Variants in EYS observed in about 807,000 individuals in gnomAD.
EYS encodes protein eyes shut homolog.
In EYS, 250 loss-of-function variants were observed where a neutral mutation model predicts 282.1. The observed-to-expected ratio is 0.89, with a 90% CI of 0.80 to 0.98. The LOEUF (loss-of-function observed/expected upper bound fraction) is 0.98, where lower values mean the gene tolerates loss of function less well. Among genes scored for constraint, EYS ranks in the 50% least tolerant of loss-of-function variants. The pLI is 0.00. For missense variants in EYS, 4,016 were observed against 3,709.0 expected (o/e 1.08, Z -2.15); for synonymous variants, 1,355 against 1,282.9 (o/e 1.06, Z -1.20).
intron 1 of EYS, among the ~76,000 whole-genome samples, chr6:65,657,687 A>G (rs548027447): frequency 3.7e-4 from 56 of 151,880 alleles, no homozygotes; most frequent in Non-Finnish European, 7.4e-4. Flanking sequence ...CAGCGTTGAA[A>G]TAACAGGGAT....
intron 29 of EYS, among the ~76,000 whole-genome samples, chr6:64,350,572 A>T (rs926024827): frequency 2.6e-5 from 4 of 151,602 alleles, no homozygotes; most frequent in African/African-American, 9.7e-5. Flanking sequence ...ACATCTGCCT[A>T]CACTATCCCT....
chr6:64,993,800 GT>G (rs1345409602), intron 14 of EYS, among the ~76,000 whole-genome samples: 2,411 of 140,990 alleles, frequency 0.017, 64 homozygotes, highest in African/African-American at 0.057. Context: ...AGTAAAGGTA[GT>G]TTTTTTTTTT....
intron 22 of EYS, among the ~76,000 whole-genome samples, chr6:64,722,303 C>T (rs1583079179): frequency 6.6e-6 from 1 of 151,766 alleles, no homozygotes; most frequent in Non-Finnish European, 1.5e-5. Context: ...AAATCAGAAT[C>T]CTGGGCAGTA....
At chr6:63,998,424 T>A (rs894729886) in intron 34 of EYS, among the ~76,000 whole-genome samples, 1 of 152,200 alleles carries the variant, frequency 6.6e-6, no homozygotes. Flanking sequence ...CAGTGCATAG[T>A]GGCTGCTTTA....
intron 22 of EYS, among the ~76,000 whole-genome samples, chr6:64,701,651 C>T (rs1175980260): frequency 1.3e-5 from 2 of 151,938 alleles, no homozygotes; most frequent in African/African-American, 2.4e-5. Flanking sequence ...AGAATGTGTA[C>T]ATATGGACAT....
intron 8 of EYS, among the ~76,000 whole-genome samples, chr6:65,374,907 A>G (rs1184495524): frequency 6.6e-6 from 1 of 151,980 alleles, no homozygotes; most frequent in Non-Finnish European, 1.5e-5. Flanking sequence ...TAAAACTCCC[A>G]CCTCCCTAGG....
chr6:64,025,388 G>A (rs551234784), intron 33 of EYS, among the ~76,000 whole-genome samples: 20 of 152,222 alleles, frequency 1.3e-4, no homozygotes, highest in African/African-American at 3.1e-4. Context: ...AATGCATGTC[G>A]CCCAAGCAAG....
At chr6:65,105,704 C>T (rs908602040) in intron 12 of EYS, among the ~76,000 whole-genome samples, 4 of 151,768 alleles carry the variant, frequency 2.6e-5, no homozygotes, top group Non-Finnish European at 5.9e-5. Context: ...ATCCCTATTC[C>T]GTGAATGATG....
At chr6:64,048,176 G>C (rs1429928812) in intron 33 of EYS, among the ~76,000 whole-genome samples, 1 of 152,170 alleles carries the variant, frequency 6.6e-6, no homozygotes, top group African/African-American at 2.4e-5. Context: ...AAAGTGCTGG[G>C]ATTACCGGTG....
At chr6:64,420,607 G>T (rs542430595) in intron 28 of EYS, among the ~76,000 whole-genome samples, 1 of 152,160 alleles carries the variant, frequency 6.6e-6, no homozygotes, top group Non-Finnish European at 1.5e-5. Context: ...GGCATCAAAG[G>T]CTGCATCATC....
intron 12 of EYS, among the ~76,000 whole-genome samples, chr6:65,204,982 AATATATTTATATATTCT>A (rs1765995758): frequency 9.0e-6 from 1 of 110,598 alleles, no homozygotes; most frequent in East Asian, 2.2e-4. Flanking sequence ...ATTCTAGAAG[AATATATTTATATATTCT>A]AGAAGAATAT....
Position 65,402,794 on chromosome 6 carries a change from G to A in EYS, c.1057-189C>T, listed in dbSNP as rs553789164. Among the ~76,000 whole-genome samples the A allele has an allele frequency of 2.6e-5, 4 of 152,104 alleles. No homozygotes were observed. In the South Asian group the frequency reaches 8.3e-4, roughly 32 times the overall value. The stretch of plus-strand genomic sequence containing the variant: ...ATCTCCCATCTCACACACTCTTCCT[G>A]CTATGTGAAATCAAAGCTCCTCTAT... On this transcript the variant is annotated intron_variant, in intron 6 of 42. Transcript: ENST00000503581.
At chr6:65,313,917 T>C (rs974343194) in intron 11 of EYS, among the ~76,000 whole-genome samples, 2 of 152,192 alleles carry the variant, frequency 1.3e-5, no homozygotes, top group Non-Finnish European at 2.9e-5. Context: ...AGTCCTATAA[T>C]GGCCTGCAAG....
chr6:64,999,640 A>T (rs532659942), intron 13 of EYS, among the ~76,000 whole-genome samples: 1 of 152,318 alleles, frequency 6.6e-6, no homozygotes, highest in African/African-American at 2.4e-5. Flanking sequence ...TAGCAGGCAG[A>T]CACACATGTG....
At chr6:63,887,526 G>A (rs189239392) in intron 35 of EYS, among the ~76,000 whole-genome samples, 1 of 152,088 alleles carries the variant, frequency 6.6e-6, no homozygotes, top group Non-Finnish European at 1.5e-5. Context: ...TCAGGGAGGG[G>A]TGTCCCCTCA....
intron 21 of EYS, chr6:64,815,086 G>A (rs544105249): frequency 4.6e-6 from 1 of 216,244 alleles, no homozygotes; most frequent in East Asian, 1.5e-4. Flanking sequence ...AATTAGAAAT[G>A]AATTGTGCAC....
chr6:64,188,706 A>T (rs1052608013), intron 31 of EYS, among the ~76,000 whole-genome samples: 1 of 152,088 alleles, frequency 6.6e-6, no homozygotes, highest in Non-Finnish European at 1.5e-5. Context: ...CCTTTAAATC[A>T]CCAGTGCTTG....
At chr6:64,445,467 T>C (rs1161645878) in intron 26 of EYS, among the ~76,000 whole-genome samples, 1 of 152,232 alleles carries the variant, frequency 6.6e-6, no homozygotes, top group Non-Finnish European at 1.5e-5. Flanking sequence ...ATTATACCTA[T>C]AATTTTGTAT....
rs1400545352 is a variant in EYS, at chr6:64,655,356, G to A, written c.3444-29111C>T. ...AAAATATGCTTTTGAATCTTTTTCTGCTCAAAGTCTAATAATGTTATCAGG... is the reference window on the plus strand; with the variant it reads ...AAAATATGCTTTTGAATCTTTTTCTACTCAAAGTCTAATAATGTTATCAGG... On this transcript the variant is annotated intron_variant, in intron 22 of 42. Transcript: ENST00000503581. 1.0e-4 allele frequency among the ~76,000 whole-genome samples: 9 copies of A among 87,564 alleles called. No individual in the cohort carries two copies. In the East Asian group the frequency reaches 2.3e-3, roughly 23 times the overall value. 57.4% of individuals were successfully genotyped at this position (87,564 alleles called of 152,430 possible).
Sources: gnomAD v4.1 joint callset for allele counts (sites outside exome capture counted in the v4.1 genomes callset) on GRCh38, gnomAD v4.1.1 for gene constraint, MANE v1.5 for transcripts, NCBI Gene and HGNC (gene_info 2026-07-23, HGNC 2026-07-21) for gene names.